Variants in SCAMP1 observed in about 807,000 individuals in gnomAD.
SCAMP1 encodes the protein secretory carrier-associated membrane protein 1.
A neutral mutation model predicts 41.8 loss-of-function variants in SCAMP1; 15 were observed. That is an observed-to-expected ratio of 0.36 (90% CI 0.24 to 0.55). SCAMP1 has a LOEUF of 0.55. Ranked by LOEUF, SCAMP1 falls within the 20% of genes least tolerant of loss-of-function variation. SCAMP1 has a pLI of 0.86. For missense variants in SCAMP1, 341 were observed against 412.6 expected (o/e 0.83, Z 1.50); for synonymous variants, 135 against 136.8 (o/e 0.99, Z 0.09).
At chr5:78,435,017 T>G (rs1752713298) in intron 6 of SCAMP1, among the ~76,000 whole-genome samples, 1 of 152,190 alleles carries the variant, frequency 6.6e-6, no homozygotes, top group South Asian at 2.1e-4. Flanking sequence ...ACAGCAACAG[T>G]AGGTATGTCA....
intron 6 of SCAMP1, among the ~76,000 whole-genome samples, chr5:78,445,843 T>A (rs1753039765): frequency 6.6e-6 from 1 of 152,234 alleles, no homozygotes; most frequent in Non-Finnish European, 1.5e-5. Context: ...ACAGCTCAGG[T>A]AAAGGAAGAT....
intron 6 of SCAMP1, among the ~76,000 whole-genome samples, chr5:78,425,920 AT>A (rs1257399757): frequency 6.6e-6 from 1 of 151,554 alleles, no homozygotes; most frequent in East Asian, 1.9e-4. Flanking sequence ...TGCATTAGGT[AT>A]TTGTCCTAAT....
At chr5:78,425,515 A>G (rs943468752) in intron 6 of SCAMP1, among the ~76,000 whole-genome samples, 6 of 152,184 alleles carry the variant, frequency 3.9e-5, no homozygotes, top group Admixed American at 2.0e-4. Context: ...AAGTATTTTA[A>G]TATTTATAAA....
intron 7 of SCAMP1, among the ~76,000 whole-genome samples, chr5:78,451,649 T>TTTGATTGA (rs543379967): frequency 6.6e-6 from 1 of 152,096 alleles, no homozygotes; most frequent in African/African-American, 2.4e-5. Context: ...TTTATTCTAA[T>TTTGATTGA]TTGATTGATT....
At chr5:78,457,331 C>T (rs1273906254) in intron 7 of SCAMP1, among the ~76,000 whole-genome samples, 1 of 151,848 alleles carries the variant, frequency 6.6e-6, no homozygotes, top group East Asian at 1.9e-4. Flanking sequence ...TACTTTTGGT[C>T]TTTGATGATG....
chr5:78,435,023 T>C (rs1752713512), intron 6 of SCAMP1, among the ~76,000 whole-genome samples: 2 of 152,222 alleles, frequency 1.3e-5, no homozygotes, highest in Admixed American at 1.3e-4. Context: ...ACAGTAGGTA[T>C]GTCAGAAACA....
chr5:78,416,218 C>T (rs1378019572), intron 3 of SCAMP1, among the ~76,000 whole-genome samples: 1 of 152,148 alleles, frequency 6.6e-6, no homozygotes, highest in Non-Finnish European at 1.5e-5. Context: ...CCCATTGCCT[C>T]TGTTCTTCAC....
At chr5:78,378,547 A>T (rs1751121485) in intron 1 of SCAMP1, among the ~76,000 whole-genome samples, 1 of 152,346 alleles carries the variant, frequency 6.6e-6, no homozygotes, top group Non-Finnish European at 1.5e-5. Context: ...ATTGTGCTAG[A>T]TGTAAACTTT....
intron 2 of SCAMP1, among the ~76,000 whole-genome samples, chr5:78,410,542 A>G (rs1379641396): frequency 1.3e-5 from 2 of 152,084 alleles, no homozygotes; most frequent in Non-Finnish European, 2.9e-5. Flanking sequence ...TATCCAGTCT[A>G]TGATTGATGG....
At chr5:78,398,541 A>ATTTTT (rs57209214) in intron 2 of SCAMP1, among the ~76,000 whole-genome samples, 1 of 44,226 alleles carries the variant, frequency 2.3e-5, no homozygotes, top group African/African-American at 7.9e-5. Flanking sequence ...AAGGTTCACT[A>ATTTTT]TTTTTTTTTT....
intron 6 of SCAMP1, among the ~76,000 whole-genome samples, chr5:78,447,848 T>C (rs1580702801): frequency 1.4e-5 from 1 of 71,918 alleles, no homozygotes; most frequent in Admixed American, 1.5e-4. Context: ...TTCTTTCCCC[T>C]CCCTCCTCCC....
At chr5:78,417,872 A>T (rs1423031149) in intron 4 of SCAMP1, among the ~76,000 whole-genome samples, 2 of 152,206 alleles carry the variant, frequency 1.3e-5, no homozygotes, top group African/African-American at 4.8e-5. Flanking sequence ...GAGAATCAGA[A>T]ATAGGTTATT....
intron 8 of SCAMP1, among the ~76,000 whole-genome samples, chr5:78,467,291 C>T (rs895599279): frequency 6.6e-6 from 1 of 152,136 alleles, no homozygotes; most frequent in Non-Finnish European, 1.5e-5. Context: ...GGAACTTTAA[C>T]CATCACTGGC....
chr5:78,464,299 A>C (rs963032766), intron 8 of SCAMP1, among the ~76,000 whole-genome samples: 5 of 152,068 alleles, frequency 3.3e-5, no homozygotes, highest in Admixed American at 1.3e-4. Flanking sequence ...ATGTGCCACC[A>C]TGCCTGGCTA....
chr5:78,442,481 A>G (rs1752951061), intron 6 of SCAMP1, among the ~76,000 whole-genome samples: 1 of 151,902 alleles, frequency 6.6e-6, no homozygotes, highest in Non-Finnish European at 1.5e-5. Flanking sequence ...CTGGTCTCGA[A>G]CTCCTGACCT....
At chr5:78,434,513 C>T (rs906424944) in intron 6 of SCAMP1, among the ~76,000 whole-genome samples, 1 of 150,822 alleles carries the variant, frequency 6.6e-6, no homozygotes, top group Non-Finnish European at 1.5e-5. Context: ...TGGTCCTCCT[C>T]TTCCTCCTCC....
chr5:78,433,899 A>G (rs1752681999), intron 6 of SCAMP1, among the ~76,000 whole-genome samples: 1 of 152,064 alleles, frequency 6.6e-6, no homozygotes, highest in African/African-American at 2.4e-5. Flanking sequence ...GGTCTCTGTA[A>G]TAGATATATT....
chr5:78,463,821 C>T (rs1423629178), intron 8 of SCAMP1, among the ~76,000 whole-genome samples: 1 of 151,322 alleles, frequency 6.6e-6, no homozygotes, highest in Non-Finnish European at 1.5e-5. Context: ...TTGAATTGTA[C>T]ACTTTAAAGG....
At chr5:78,384,159 G>T (rs1469903148) in intron 1 of SCAMP1, among the ~76,000 whole-genome samples, 1 of 135,086 alleles carries the variant, frequency 7.4e-6, no homozygotes, top group African/African-American at 2.8e-5. Context: ...CTTTGGTTAG[G>T]TATATTCCCA....
Sources: gnomAD v4.1 joint callset for allele counts (sites outside exome capture counted in the v4.1 genomes callset) on GRCh38, gnomAD v4.1.1 for gene constraint, MANE v1.5 for transcripts, NCBI Gene and HGNC (gene_info 2026-07-23, HGNC 2026-07-21) for gene names.